Variants in PTPRD observed in about 807,000 individuals in gnomAD.
PTPRD encodes receptor-type tyrosine-protein phosphatase delta.
In PTPRD, 34 loss-of-function variants were observed where a neutral mutation model predicts 214.5. That is an observed-to-expected ratio of 0.16 (90% confidence interval 0.12 to 0.21). The LOEUF (loss-of-function observed/expected upper bound fraction) is 0.21, where lower values mean the gene tolerates loss of function less well. Ranked by LOEUF, PTPRD falls within the 10% of genes least tolerant of loss-of-function variation. The pLI is 1.00. For missense variants in PTPRD, 2,545 were observed against 2,398.7 expected (o/e 1.06, Z -1.27); for synonymous variants, 1,128 against 845.7 (o/e 1.33, Z -5.79).
At chr9:9,898,151 G>T (rs2075499437) in intron 5 of PTPRD, among the ~76,000 whole-genome samples, 1 of 152,016 alleles carries the variant, frequency 6.6e-6, no homozygotes, top group South Asian at 2.1e-4. Flanking sequence ...AACTTCTACA[G>T]TTTTAAATAT....
At chr9:9,504,570 G>A (rs1469106918) in intron 8 of PTPRD, among the ~76,000 whole-genome samples, 3 of 151,728 alleles carry the variant, frequency 2.0e-5, no homozygotes, top group East Asian at 3.9e-4. Flanking sequence ...AAAACTGAAA[G>A]CATTCCCTCT....
At chr9:8,758,174 A>G (rs2094151697) in intron 11 of PTPRD, among the ~76,000 whole-genome samples, 1 of 152,214 alleles carries the variant, frequency 6.6e-6, no homozygotes, top group Non-Finnish European at 1.5e-5. Context: ...TCTGTCCATT[A>G]TCATTAAAAA....
chr9:8,578,522 G>C (rs2092712021), intron 14 of PTPRD, among the ~76,000 whole-genome samples: 1 of 152,092 alleles, frequency 6.6e-6, no homozygotes, highest in African/African-American at 2.4e-5. Flanking sequence ...AAATTCTCTA[G>C]GCTGTCAATA....
At chr9:8,511,474 T>C (rs888754184) in intron 21 of PTPRD, among the ~76,000 whole-genome samples, 6 of 152,160 alleles carry the variant, frequency 3.9e-5, no homozygotes, top group African/African-American at 1.4e-4. Flanking sequence ...TGTCTATGTA[T>C]ATCTTATTTT....
chr9:8,684,477 C>T (rs1168840552), intron 12 of PTPRD, among the ~76,000 whole-genome samples: 6 of 149,092 alleles, frequency 4.0e-5, no homozygotes, highest in African/African-American at 1.6e-4. Flanking sequence ...TGATATCCCT[C>T]TTTCTTTCCC....
Position 8,317,823 on chromosome 9 carries a change from C to A in PTPRD, c.*51G>T. 1 of 1,543,646 alleles carries A rather than the reference C, an allele frequency of 6.5e-7. No homozygotes were observed. Among genetic ancestry groups the A allele is most frequent in the South Asian group, 1.1e-5 (1 of 89,666 alleles). The stretch of plus-strand genomic sequence containing the variant: ...TGCCCTGTATGGCTCAGAAGAGACT[C>A]CATGGATATTGAAGGGCCTGTAGTA... On this transcript the variant is annotated 3_prime_UTR_variant, in exon 46 of 46. Transcript: ENST00000381196.
In PTPRD at chr9:9,483,202, G is replaced by C. The variant is rs191285762; in HGVS notation, c.-236-85720C>G. 1.1e-3 allele frequency among the ~76,000 whole-genome samples: 160 copies of C among 152,260 alleles called. 1 individual carries two copies. The highest frequency in any genetic ancestry group is 2.0e-3 in the Admixed American group (31 of 15,268). On this transcript the variant is annotated intron_variant, in intron 8 of 45. Coordinates refer to ENST00000381196, the MANE Select transcript of PTPRD (RefSeq NM_002839.4). ...ACAGCAGAAAGACTCAGTGGAGACA[G>C]ACCACTTTAATTTTTACTGATAATA...
intron 3 of PTPRD, among the ~76,000 whole-genome samples, chr9:10,065,449 T>A (rs2097860141): frequency 6.6e-6 from 1 of 151,884 alleles, no homozygotes; most frequent in African/African-American, 2.4e-5. Context: ...TTAGGCTTTT[T>A]TTTTATTTTT....
intron 5 of PTPRD, among the ~76,000 whole-genome samples, chr9:9,879,378 A>T (rs895166509): frequency 4.6e-5 from 7 of 152,204 alleles, no homozygotes; most frequent in Non-Finnish European, 7.3e-5. Context: ...CTCTAGGTAG[A>T]ATTGAATCTG....
chr9:9,312,010 C>G (rs1302603481), intron 9 of PTPRD, among the ~76,000 whole-genome samples: 2 of 152,134 alleles, frequency 1.3e-5, no homozygotes, highest in Admixed American at 6.6e-5. Flanking sequence ...ATTTGCTAGT[C>G]CTGTTTATTC....
At chr9:9,801,955 G>A (rs1485199633) in intron 5 of PTPRD, among the ~76,000 whole-genome samples, 1 of 152,030 alleles carries the variant, frequency 6.6e-6, no homozygotes, top group Admixed American at 6.6e-5. Flanking sequence ...ATACAAGAAT[G>A]GAGTCAGCTT....
intron 5 of PTPRD, among the ~76,000 whole-genome samples, chr9:9,854,493 A>G (rs552938742): frequency 4.0e-5 from 6 of 151,414 alleles, no homozygotes; most frequent in Admixed American, 6.6e-5. Context: ...TTTCTCAGAA[A>G]AAAAAGATAT....
At chr9:9,485,875 G>A (rs139256898) in intron 8 of PTPRD, among the ~76,000 whole-genome samples, 2 of 152,074 alleles carry the variant, frequency 1.3e-5, no homozygotes, top group East Asian at 1.9e-4. Context: ...CCCTTGGGCC[G>A]GGTGGGGTGG....
intron 3 of PTPRD, among the ~76,000 whole-genome samples, chr9:10,066,799 G>A (rs920813670): frequency 2.6e-5 from 4 of 151,740 alleles, no homozygotes; most frequent in Non-Finnish European, 4.4e-5. Context: ...TTTGCTTCTG[G>A]ATTGTTGCTG....
chr9:9,599,647 C>G (rs655125), intron 7 of PTPRD, among the ~76,000 whole-genome samples: 3 of 147,282 alleles, frequency 2.0e-5, no homozygotes, highest in Non-Finnish European at 4.5e-5. Flanking sequence ...TCTACTATAC[C>G]ATTTTTTCTC....
At chr9:10,274,561 A>G (rs1231228763) in intron 3 of PTPRD, among the ~76,000 whole-genome samples, 1 of 152,192 alleles carries the variant, frequency 6.6e-6, no homozygotes, top group Non-Finnish European at 1.5e-5. Flanking sequence ...AGACAATTTT[A>G]AAAAGACACC....
chr9:10,519,675 C>T (rs2051496833), intron 2 of PTPRD, among the ~76,000 whole-genome samples: 1 of 152,090 alleles, frequency 6.6e-6, no homozygotes, highest in Non-Finnish European at 1.5e-5. Flanking sequence ...ATAGCATGTG[C>T]TCAACTCATC....
intron 3 of PTPRD, among the ~76,000 whole-genome samples, chr9:10,289,023 G>GTT (rs5896383): frequency 2.4e-4 from 35 of 145,896 alleles, no homozygotes; most frequent in Admixed American, 2.8e-4. Context: ...AAGATGGAGA[G>GTT]TTTTTTTTTT....
intron 9 of PTPRD, among the ~76,000 whole-genome samples, chr9:9,281,107 C>A (rs1947529336): frequency 6.6e-6 from 1 of 151,104 alleles, no homozygotes; most frequent in Non-Finnish European, 1.5e-5. Context: ...CATAAATGGA[C>A]TCAAAAGCAA....
Sources: allele counts gnomAD v4.1 joint callset (sites outside exome capture counted in the v4.1 genomes callset), GRCh38; gene constraint gnomAD v4.1.1; transcripts MANE v1.5; gene names NCBI Gene and HGNC (gene_info 2026-07-23, HGNC 2026-07-21).